Variants in USP34 observed in about 807,000 individuals in gnomAD.
USP34 encodes the protein ubiquitin carboxyl-terminal hydrolase 34.
In USP34, 70 loss-of-function variants were observed where a neutral mutation model predicts 460.3. That is an observed-to-expected ratio of 0.15 (90% CI 0.13 to 0.19). The LOEUF is 0.19. Among genes scored for constraint, USP34 ranks in the 10% least tolerant of loss-of-function variants. The pLI, the probability that USP34 is intolerant of heterozygous loss-of-function variation, is 1.00. For synonymous variants in USP34, 1,647 were observed against 1,405.3 expected (o/e 1.17, Z -3.85); for missense variants, 3,985 against 4,236.2 (o/e 0.94, Z 1.65).
chr2:61,216,739 T>C (rs1278768186), intron 67 of USP34, among the ~76,000 whole-genome samples: 1 of 151,660 alleles, frequency 6.6e-6, no homozygotes, highest in South Asian at 2.1e-4. Flanking sequence ...GCCAACATGG[T>C]GAAACCCATC....
intron 1 of USP34, among the ~76,000 whole-genome samples, chr2:61,454,199 C>T (rs1695365719): frequency 6.6e-6 from 1 of 152,010 alleles, no homozygotes. Flanking sequence ...ATCTCAGCTA[C>T]CTGCAACCTC....
chr2:61,336,146 A>AT (rs5831605), intron 18 of USP34, among the ~76,000 whole-genome samples: 216 of 145,354 alleles, frequency 1.5e-3, no homozygotes, highest in South Asian at 6.1e-3. Context: ...TGTCCGCACA[A>AT]TTTTTTTTTT....
At chr2:61,302,341 A>G (rs967648120) in intron 27 of USP34, among the ~76,000 whole-genome samples, 1 of 152,260 alleles carries the variant, frequency 6.6e-6, no homozygotes, top group African/African-American at 2.4e-5. Context: ...TTCCCTTCAC[A>G]TAATAAAAAA....
chr2:61,193,365 T>TTAAAAAAAAAAAAA (rs1394729207), intron 75 of USP34: 1 of 97,234 alleles, frequency 1.0e-5, no homozygotes, highest in African/African-American at 3.8e-5. Context: ...AGGGGAAAGG[T>TTAAAAAAAAAAAAA]AAAAAAAAAA....
chr2:61,391,868 A>C (rs1196179306), intron 5 of USP34, among the ~76,000 whole-genome samples: 1 of 152,226 alleles, frequency 6.6e-6, no homozygotes, highest in African/African-American at 2.4e-5. Flanking sequence ...TTATAAGGAA[A>C]AGATGCCTAT....
intron 1 of USP34, among the ~76,000 whole-genome samples, chr2:61,429,746 A>G (rs942513086): frequency 6.6e-6 from 1 of 152,232 alleles, no homozygotes; most frequent in Non-Finnish European, 1.5e-5. Context: ...AAAGAATACC[A>G]ACCAGATGTA....
intron 1 of USP34, among the ~76,000 whole-genome samples, chr2:61,456,335 C>T (rs561175718): frequency 6.6e-6 from 1 of 152,138 alleles, no homozygotes; most frequent in Non-Finnish European, 1.5e-5. Context: ...CAATCAAAGT[C>T]CATCCTCTTT....
chr2:61,287,739 C>T (rs1265789541), intron 34 of USP34, among the ~76,000 whole-genome samples: 1 of 152,118 alleles, frequency 6.6e-6, no homozygotes, highest in East Asian at 1.9e-4. Context: ...ATGCATTCAC[C>T]AACTGTTTGT....
At chr2:61,312,119 T>TA (rs1448300178) in intron 25 of USP34, among the ~76,000 whole-genome samples, 1 of 150,398 alleles carries the variant, frequency 6.6e-6, no homozygotes, top group Admixed American at 6.6e-5. Flanking sequence ...CCTAACAAAA[T>TA]AGTCACCACG....
Position 61,192,739 on chromosome 2 carries a change from C to G in USP34, c.9588+162G>C, listed in dbSNP as rs1322032886. On this transcript the variant is annotated intron_variant, in intron 76 of 79. Coordinates refer to ENST00000398571, the MANE Select transcript of USP34 (RefSeq NM_014709.4). ...AAAAAATCAAAGGGAAACTAGATGC[C>G]TAATATGTAATAGCTAGTATTTTCA... Among the ~76,000 whole-genome samples the G allele has an allele frequency of 3.3e-5, 5 of 152,146 alleles. No individual in the cohort carries two copies. In the East Asian group the frequency reaches 9.6e-4, roughly 29 times the overall value.
chr2:61,463,194 GCCGGGTACAGCATA>G (rs1409903951), intron 1 of USP34, among the ~76,000 whole-genome samples: 1 of 151,816 alleles, frequency 6.6e-6, no homozygotes, highest in Non-Finnish European at 1.5e-5. Flanking sequence ...AAGATTCTCA[GCCGGGTACAGCATA>G]CCCCAACACT....
At chr2:61,444,579 T>C (rs555877322) in intron 1 of USP34, among the ~76,000 whole-genome samples, 29 of 152,160 alleles carry the variant, frequency 1.9e-4, no homozygotes, top group African/African-American at 7.0e-4. Context: ...TGAATCCCAA[T>C]AAATACAAAA....
intron 62 of USP34, chr2:61,223,523 AACTT>A (rs1687647978): frequency 1.9e-6 from 1 of 521,458 alleles, no homozygotes; most frequent in Non-Finnish European, 3.4e-6. Context: ...TCATTTAATT[AACTT>A]ACTATTTTAG....
At chr2:61,386,554 G>A (rs992250269) in intron 5 of USP34, among the ~76,000 whole-genome samples, 7 of 152,104 alleles carry the variant, frequency 4.6e-5, no homozygotes, top group African/African-American at 1.4e-4. Flanking sequence ...ACTTTGGGGA[G>A]CCGAGGCAGA....
At chr2:61,383,611 G>A (rs1052201259) in intron 5 of USP34, among the ~76,000 whole-genome samples, 2 of 151,986 alleles carry the variant, frequency 1.3e-5, no homozygotes, top group African/African-American at 4.8e-5. Flanking sequence ...GCTGAGGCAG[G>A]AGAATCGCTT....
chr2:61,421,946 G>A (rs1694374328), intron 1 of USP34, among the ~76,000 whole-genome samples: 1 of 152,078 alleles, frequency 6.6e-6, no homozygotes. Flanking sequence ...AACCAAAAAG[G>A]GGTTTAAAAA....
At chr2:61,365,064 C>A (rs372496570) in intron 10 of USP34, among the ~76,000 whole-genome samples, 2 of 151,944 alleles carry the variant, frequency 1.3e-5, no homozygotes, top group East Asian at 3.9e-4. Flanking sequence ...CCAGCCTGAC[C>A]AACATGGTGA....
At chr2:61,399,255 T>C (rs1316101128) in intron 3 of USP34, among the ~76,000 whole-genome samples, 1 of 151,736 alleles carries the variant, frequency 6.6e-6, no homozygotes, top group Non-Finnish European at 1.5e-5. Flanking sequence ...CTCCTGAGAA[T>C]TGCTTGAATC....
At chr2:61,280,766 TAC>T (rs1689511194) in intron 38 of USP34, among the ~76,000 whole-genome samples, 3 of 152,292 alleles carry the variant, frequency 2.0e-5, no homozygotes, top group Non-Finnish European at 4.4e-5. Context: ...AACTGTGACT[TAC>T]TAGAGAAGAG....
Sources: allele counts gnomAD v4.1 joint callset (sites outside exome capture counted in the v4.1 genomes callset), GRCh38; gene constraint gnomAD v4.1.1; transcripts MANE v1.5; gene names NCBI Gene and HGNC (gene_info 2026-07-23, HGNC 2026-07-21).